Variants in AGO3 observed in about 807,000 individuals in gnomAD.
AGO3 encodes protein argonaute-3.
In AGO3, 16 loss-of-function variants were observed where a neutral mutation model predicts 105.5. The observed-to-expected ratio is 0.15, with a 90% confidence interval of 0.10 to 0.23. The LOEUF (loss-of-function observed/expected upper bound fraction) is 0.23. Ranked by LOEUF, AGO3 falls within the 10% of genes least tolerant of loss-of-function variation. The probability of loss-of-function intolerance (pLI) is 1.00; values close to 1 mark genes in which losing one functional copy is unlikely to be tolerated. For synonymous variants in AGO3, 340 were observed against 367.3 expected (o/e 0.93, Z 0.85); for missense variants, 534 against 1,088.0 (o/e 0.49, Z 7.16).
chr1:36,031,332 C>T (rs1223159911), intron 12 of AGO3, among the ~76,000 whole-genome samples: 2 of 152,106 alleles, frequency 1.3e-5, no homozygotes, highest in Non-Finnish European at 2.9e-5. Flanking sequence ...ATGACCCACA[C>T]TGTACCCTGC....
At chr1:36,054,800 T>C in intron 17 of AGO3, 146 bp from the exon 18 acceptor site, 1 of 696,724 alleles carries the variant, frequency 1.4e-6, no homozygotes, top group Admixed American at 2.6e-5. Flanking sequence ...TAGAATCTTT[T>C]GAGCCCCAGA....
intron 15 of AGO3, 29 bp downstream of exon 15, chr1:36,040,013 T>C (rs1054322663): frequency 1.9e-6 from 3 of 1,574,998 alleles, no homozygotes; most frequent in Non-Finnish European, 2.6e-6. Context: ...CATCAGACTA[T>C]GGTGAAATCA....
rs144617954 is a variant in AGO3, at chr1:36,069,642, G to A, written c.*13897G>A. Reference sequence around the variant, plus strand: ...TTCCCTGCAAGATATCCAGCACACAGGCTGAATTTTTCTTTATAATAATCC... The same window carrying A: ...TTCCCTGCAAGATATCCAGCACACAAGCTGAATTTTTCTTTATAATAATCC... On this transcript the variant is annotated 3_prime_UTR_variant, in exon 19 of 19. Transcript: ENST00000373191. 1 of 152,322 alleles carries A rather than the reference G, an allele frequency of 6.6e-6. No homozygotes were observed. The highest frequency in any genetic ancestry group is 1.5e-5 in the Non-Finnish European group (1 of 68,036). The allele number at this position is 152,322 out of a possible 1,614,324, so 9.4% of individuals were successfully genotyped here.
At chr1:35,946,205 T>C (rs1021917387) in intron 2 of AGO3, among the ~76,000 whole-genome samples, 10 of 152,224 alleles carry the variant, frequency 6.6e-5, no homozygotes, top group African/African-American at 2.4e-4. Flanking sequence ...ACCTCTCTTA[T>C]GTACCACTTT....
At chr1:36,013,795 G>T in intron 10 of AGO3, 43 bp downstream of exon 10, 1 of 1,605,840 alleles carries the variant, frequency 6.2e-7, no homozygotes, top group Non-Finnish European at 8.5e-7. Context: ...CATATTGTCT[G>T]TAAGTATGAA....
At chr1:36,009,674 C>A in intron 9 of AGO3, 80 bp downstream of exon 9, 4 of 1,388,706 alleles carry the variant, frequency 2.9e-6, no homozygotes, top group Non-Finnish European at 3.9e-6. Flanking sequence ...TCCTTATCAA[C>A]CCATACCTTA....
intron 1 of AGO3, among the ~76,000 whole-genome samples, chr1:35,943,255 G>T (rs1007757853): frequency 1.3e-5 from 2 of 150,018 alleles, no homozygotes; most frequent in African/African-American, 2.5e-5. Flanking sequence ...TGATCCTCCC[G>T]CCTTGGCTTC....
rs1253798138 is a variant in AGO3, at chr1:36,068,327, G to A, written c.*12582G>A. On this transcript the variant is annotated 3_prime_UTR_variant, in exon 19 of 19. Transcript: ENST00000373191. ...GCTATAGAATGCTAATGTGAACAGAGTATATATCAGGAATATGATGTATTA... is the reference window on the plus strand; with the variant it reads ...GCTATAGAATGCTAATGTGAACAGAATATATATCAGGAATATGATGTATTA... 3 of 152,158 alleles carry A rather than the reference G, an allele frequency of 2.0e-5. No homozygotes were observed. Among genetic ancestry groups the A allele is most frequent in the Non-Finnish European group, 2.9e-5 (2 of 68,046 alleles). 9.4% of individuals were successfully genotyped at this position (152,158 alleles called of 1,614,324 possible).
At chr1:35,987,465 C>T (rs1647235381) in intron 5 of AGO3, among the ~76,000 whole-genome samples, 1 of 151,792 alleles carries the variant, frequency 6.6e-6, no homozygotes, top group South Asian at 2.1e-4. Context: ...TGCACTCCAG[C>T]CTGGGCAACA....
At chr1:36,012,362 A>T (rs1286544095) in intron 9 of AGO3, among the ~76,000 whole-genome samples, 1 of 151,684 alleles carries the variant, frequency 6.6e-6, no homozygotes, top group Non-Finnish European at 1.5e-5. Flanking sequence ...AAGAAAAGAA[A>T]ATGACTTTTC....
chr1:35,937,386 CA>C (rs59539094), intron 1 of AGO3, among the ~76,000 whole-genome samples: 603 of 130,300 alleles, frequency 4.6e-3, no homozygotes, highest in Non-Finnish European at 6.1e-3. Context: ...CTGGGCAACT[CA>C]AAAAAAAAAA....
chr1:35,971,536 G>T (rs187825562), intron 3 of AGO3, among the ~76,000 whole-genome samples: 12 of 151,532 alleles, frequency 7.9e-5, no homozygotes, highest in Admixed American at 2.6e-4. Flanking sequence ...CATATACTCA[G>T]AATTGTTCTG....
chr1:36,000,001 G>A (rs1011817903), intron 5 of AGO3, among the ~76,000 whole-genome samples: 28 of 151,528 alleles, frequency 1.8e-4, no homozygotes, highest in Middle Eastern at 3.4e-3. Flanking sequence ...TTCCCTTCTC[G>A]TCCTGGTACA....
At chr1:36,014,147 A>G (rs1432618772) in intron 11 of AGO3, 99 bp downstream of exon 11, 4 of 1,475,018 alleles carry the variant, frequency 2.7e-6, no homozygotes, top group East Asian at 4.6e-5. Context: ...TATGAAGTAT[A>G]TGTAATCACT....
At chr1:36,022,210 A>T (rs910240810) in intron 11 of AGO3, among the ~76,000 whole-genome samples, 1 of 151,704 alleles carries the variant, frequency 6.6e-6, no homozygotes, top group African/African-American at 2.4e-5. Context: ...GACCACAGGG[A>T]CTTGCCACTA....
chr1:35,992,975 G>T (rs1261776896), intron 5 of AGO3, among the ~76,000 whole-genome samples: 3 of 152,206 alleles, frequency 2.0e-5, no homozygotes, highest in African/African-American at 7.2e-5. Context: ...ATAAGGCTGG[G>T]TAAGTATCCT....
rs1643011442 is a variant in AGO3, at chr1:36,060,081, G to C, written c.*4336G>C. The C allele has an allele frequency of 1.3e-5, 2 of 152,128 alleles. No homozygotes were observed. The highest frequency in any genetic ancestry group is 4.8e-5 in the African/African-American group (2 of 41,420). The allele number at this position is 152,128 out of a possible 1,614,324, so 9.4% of individuals were successfully genotyped here. On this transcript the variant is annotated 3_prime_UTR_variant, in exon 19 of 19. Transcript: ENST00000373191. ...TTAATATATTTCTATTCCTAGAAGA[G>C]AGTCTAGCAGGGATTCTAGTAGGAA...
chr1:35,953,746 A>G (rs1280550578), intron 2 of AGO3, among the ~76,000 whole-genome samples: 6 of 152,072 alleles, frequency 3.9e-5, no homozygotes, highest in Non-Finnish European at 7.4e-5. Flanking sequence ...CTCTGACCTC[A>G]GGTGATTCAC....
chr1:36,028,895 G>A (rs575456654), intron 12 of AGO3, among the ~76,000 whole-genome samples: 2 of 152,058 alleles, frequency 1.3e-5, no homozygotes, highest in East Asian at 3.9e-4. Flanking sequence ...TTCTCGGGTT[G>A]GTCTCAAACT....
Sources: gnomAD v4.1 joint callset for allele counts (sites outside exome capture counted in the v4.1 genomes callset) on GRCh38, gnomAD v4.1.1 for gene constraint, MANE v1.5 for transcripts, NCBI Gene and HGNC (gene_info 2026-07-23, HGNC 2026-07-21) for gene names.